Variants in KCNIP4 observed in about 807,000 individuals in gnomAD.
KCNIP4 encodes the protein potassium voltage-gated channel interacting protein 4, also known as Kv channel-interacting protein 4.
KCNIP4 carries 12 observed loss-of-function variants against 34.0 expected under a neutral mutation model. The ratio of observed to expected loss-of-function variants is 0.35; its 90% CI spans 0.23 to 0.57. The LOEUF is 0.57. KCNIP4 is among the 20% of genes least tolerant of loss of function. The pLI, the probability that KCNIP4 is intolerant of heterozygous loss-of-function variation, is 0.83. For synonymous variants in KCNIP4, 124 were observed against 102.2 expected (o/e 1.21, Z -1.29); for missense variants, 238 against 311.7 (o/e 0.76, Z 1.78).
At chr4:21,333,486 G>A (rs959541155) in intron 1 of KCNIP4, among the ~76,000 whole-genome samples, 9 of 151,900 alleles carry the variant, frequency 5.9e-5, no homozygotes, top group African/African-American at 1.7e-4. Flanking sequence ...TGTAAGGTAC[G>A]TTGTATCATT....
chr4:21,634,223 C>CAAAAAAAAAAAAAAA (rs376741978), intron 1 of KCNIP4, among the ~76,000 whole-genome samples: 2 of 112,484 alleles, frequency 1.8e-5, no homozygotes, highest in South Asian at 3.4e-4. Flanking sequence ...GTTCTTTCCT[C>CAAAAAAAAAAAAAAA]AAAAAAAAAA....
At chr4:21,756,760 C>T (rs1310916148) in intron 1 of KCNIP4, among the ~76,000 whole-genome samples, 1 of 151,928 alleles carries the variant, frequency 6.6e-6, no homozygotes, top group Non-Finnish European at 1.5e-5. Context: ...AAATTTGCCA[C>T]TTGTCATTTC....
chr4:20,902,396 A>G (rs1396917034), intron 1 of KCNIP4, among the ~76,000 whole-genome samples: 1 of 152,154 alleles, frequency 6.6e-6, no homozygotes, highest in African/African-American at 2.4e-5. Flanking sequence ...AGCTGAAAAC[A>G]AGGAGCCACG....
chr4:21,820,208 A>G (rs1722246119), intron 1 of KCNIP4, among the ~76,000 whole-genome samples: 1 of 150,058 alleles, frequency 6.7e-6, no homozygotes, highest in Admixed American at 6.7e-5. Context: ...GTAATAAACA[A>G]TATACAGTAT....
chr4:21,770,009 T>TA (rs112378745), intron 1 of KCNIP4, among the ~76,000 whole-genome samples: 46 of 151,278 alleles, frequency 3.0e-4, no homozygotes, highest in African/African-American at 9.0e-4. Context: ...TTATTTCTTC[T>TA]AAAAAAAAAG....
intron 1 of KCNIP4, among the ~76,000 whole-genome samples, chr4:21,927,582 C>A (rs114685906): frequency 1.3e-5 from 2 of 152,268 alleles, no homozygotes; most frequent in African/African-American, 4.8e-5. Context: ...GGCCATAACC[C>A]ACCTTAGAGC....
intron 1 of KCNIP4, among the ~76,000 whole-genome samples, chr4:21,892,929 C>T (rs188145543): frequency 1.1e-4 from 17 of 152,222 alleles, no homozygotes; most frequent in Admixed American, 1.1e-3. Context: ...GCGATATAGC[C>T]ACAGCTTTGG....
intron 1 of KCNIP4, chr4:21,697,498 T>G: frequency 6.6e-7 from 1 of 1,505,532 alleles, no homozygotes; most frequent in Non-Finnish European, 8.8e-7. Context: ...ATAATAATAA[T>G]AATAATAAAA....
intron 1 of KCNIP4, among the ~76,000 whole-genome samples, chr4:21,042,246 T>C (rs372555577): frequency 1.3e-5 from 2 of 152,316 alleles, no homozygotes; most frequent in South Asian, 4.1e-4. Flanking sequence ...CTATGTTAAT[T>C]GCAGCACTAC....
chr4:21,235,104 C>T (rs1011810160), intron 1 of KCNIP4, among the ~76,000 whole-genome samples: 4 of 151,974 alleles, frequency 2.6e-5, no homozygotes, highest in South Asian at 2.1e-4. Context: ...TTGAGAAATC[C>T]GTAACTAAAC....
intron 1 of KCNIP4, among the ~76,000 whole-genome samples, chr4:20,952,753 A>C (rs959689444): frequency 6.6e-6 from 1 of 151,422 alleles, no homozygotes; most frequent in African/African-American, 2.4e-5. Flanking sequence ...TGTCTAACTT[A>C]TTGTCTTGGT....
At chr4:21,185,758 A>G (rs1452038540) in intron 1 of KCNIP4, among the ~76,000 whole-genome samples, 1 of 152,198 alleles carries the variant, frequency 6.6e-6, no homozygotes, top group East Asian at 1.9e-4. Context: ...TTTATTTGAT[A>G]GGATTTTAAC....
intron 1 of KCNIP4, among the ~76,000 whole-genome samples, chr4:20,953,797 C>T (rs1227771561): frequency 6.6e-6 from 1 of 152,110 alleles, no homozygotes; most frequent in Non-Finnish European, 1.5e-5. Context: ...TCAATATTCC[C>T]CCAAACTCAA....
rs115560720 is a variant in KCNIP4 at position 20,997,606 on chromosome 4, C to T, written c.62-114897G>A. 3.2e-3 allele frequency among the ~76,000 whole-genome samples: 490 copies of T among 152,308 alleles called. 2 individuals carry two copies. The highest frequency in any genetic ancestry group is 0.011 in the African/African-American group (468 of 41,582). On this transcript the variant is annotated intron_variant, in intron 1 of 8. Coordinates refer to ENST00000382152, the MANE Select transcript of KCNIP4 (RefSeq NM_025221.6). ...AGAGGACGCTGTGAATGACCTGCAG[C>T]AGGAACTTGCTGACCTCTACCTGAG...
rs117352355 is a variant in KCNIP4 at position 21,104,665 on chromosome 4, T to G, written c.62-221956A>C. 3.4e-4 allele frequency among the ~76,000 whole-genome samples: 52 copies of G among 152,078 alleles called. No homozygotes were observed. In the East Asian group the frequency reaches 8.7e-3, roughly 25 times the overall value. On this transcript the variant is annotated intron_variant, in intron 1 of 8. Transcript: ENST00000382152. ...TTTGGTGTTTTAAACATGAAGTCCT[T>G]GCCCATGTGTATGTCCTGAATATTA...
Position 21,056,854 on chromosome 4 carries a change from G to A in KCNIP4, c.62-174145C>T, listed in dbSNP as rs1025099390. Reference sequence around the variant, plus strand: ...GGCCTTTGGGAGATAATTAGATTTCGAGGAAGTCATGAAAGTGGGTTCCTC... The same window carrying A: ...GGCCTTTGGGAGATAATTAGATTTCAAGGAAGTCATGAAAGTGGGTTCCTC... On this transcript the variant is annotated intron_variant, in intron 1 of 8. Transcript: ENST00000382152. 4.6e-5 allele frequency among the ~76,000 whole-genome samples: 7 copies of A among 152,212 alleles called. No individual in the cohort carries two copies. The South Asian group carries it at 1.0e-3, about 23-fold the overall frequency.
chr4:21,390,712 A>G (rs1722485738), intron 1 of KCNIP4, among the ~76,000 whole-genome samples: 1 of 152,096 alleles, frequency 6.6e-6, no homozygotes, highest in African/African-American at 2.4e-5. Flanking sequence ...ATAGCCTTGT[A>G]GTATAGTTTG....
intron 1 of KCNIP4, among the ~76,000 whole-genome samples, chr4:21,827,853 G>A (rs989709550): frequency 6.6e-6 from 1 of 151,838 alleles, no homozygotes; most frequent in Admixed American, 6.6e-5. Flanking sequence ...ACATTTTCCA[G>A]GTGTGGTGGT....
intron 1 of KCNIP4, among the ~76,000 whole-genome samples, chr4:21,260,471 G>A (rs1006168842): frequency 2.6e-5 from 4 of 152,142 alleles, no homozygotes; most frequent in African/African-American, 4.8e-5. Context: ...CGTAGTTTGC[G>A]AGAAAGGGAA....
Sources: gnomAD v4.1 joint callset for allele counts (sites outside exome capture counted in the v4.1 genomes callset) on GRCh38, gnomAD v4.1.1 for gene constraint, MANE v1.5 for transcripts, NCBI Gene and HGNC (gene_info 2026-07-23, HGNC 2026-07-21) for gene names.